Variants in CLEC16A observed in about 807,000 individuals in gnomAD.
The protein encoded by CLEC16A is protein CLEC16A.
Under a neutral mutation model 109.5 loss-of-function variants are expected in CLEC16A, and 51 were observed. That is an observed-to-expected ratio of 0.47 (90% CI 0.37 to 0.59). The LOEUF is 0.59. Among genes scored for constraint, CLEC16A ranks in the 20% least tolerant of loss-of-function variants. CLEC16A has a pLI of 0.00. For missense variants in CLEC16A, 1,339 were observed against 1,394.0 expected (o/e 0.96, Z 0.63); for synonymous variants, 673 against 564.2 (o/e 1.19, Z -2.73).
chr16:11,011,767 C>G (rs562840623), intron 11 of CLEC16A, among the ~76,000 whole-genome samples: 1 of 152,092 alleles, frequency 6.6e-6, no homozygotes, highest in Non-Finnish European at 1.5e-5. Flanking sequence ...AGCATGCGTA[C>G]ACACACGTAT....
chr16:10,944,611 C>G lies in CLEC16A; in HGVS notation c.-107C>G. ...AGGAAGGCGGCTCGCGGTTCCTCCACCGCCTCCGCCGCCGCATCCTCCGCT... is the reference window on the plus strand; with the variant it reads ...AGGAAGGCGGCTCGCGGTTCCTCCAGCGCCTCCGCCGCCGCATCCTCCGCT... On this transcript the variant is annotated 5_prime_UTR_variant, in exon 1 of 24. Coordinates refer to ENST00000409790, the MANE Select transcript of CLEC16A (RefSeq NM_015226.3). 9.0e-7 allele frequency: 1 copy of G among 1,112,640 alleles called. No individual in the cohort carries two copies. The highest frequency in any genetic ancestry group is 1.3e-6 in the Non-Finnish European group (1 of 775,858). The allele number at this position is 1,112,640 out of a possible 1,614,324, so 68.9% of individuals were successfully genotyped here.
intron 11 of CLEC16A, among the ~76,000 whole-genome samples, chr16:11,013,627 G>A (rs190344999): frequency 2.0e-5 from 3 of 152,286 alleles, no homozygotes; most frequent in Admixed American, 6.5e-5. Context: ...GCATGGTGAT[G>A]TGTACCTATA....
chr16:11,045,555 T>G (rs1248125514), intron 16 of CLEC16A, among the ~76,000 whole-genome samples: 1 of 150,922 alleles, frequency 6.6e-6, no homozygotes, highest in Non-Finnish European at 1.5e-5. Context: ...TGGTGGGGGG[T>G]GGTGGGGAGC....
intron 19 of CLEC16A, among the ~76,000 whole-genome samples, chr16:11,114,227 T>G (rs1370233333): frequency 6.6e-6 from 1 of 151,610 alleles, no homozygotes; most frequent in African/African-American, 2.4e-5. Flanking sequence ...CATCTGTGAA[T>G]GGCCTATGCA....
At chr16:11,062,073 A>T (rs2048510700) in intron 19 of CLEC16A, among the ~76,000 whole-genome samples, 1 of 152,196 alleles carries the variant, frequency 6.6e-6, no homozygotes, top group African/African-American at 2.4e-5. Context: ...TCCCTGAACC[A>T]GCCAGTGGTC....
chr16:11,051,725 C>G, intron 18 of CLEC16A, 84 bp downstream of exon 18: 1 of 1,547,262 alleles, frequency 6.5e-7, no homozygotes, highest in Non-Finnish European at 8.8e-7. Flanking sequence ...GCTTCTTTGT[C>G]AAAGTCAAGA....
chr16:10,997,161 C>T (rs1462883813), intron 10 of CLEC16A, among the ~76,000 whole-genome samples: 1 of 152,094 alleles, frequency 6.6e-6, no homozygotes, highest in African/African-American at 2.4e-5. Context: ...AAGGTCTCAC[C>T]ATGCTTCCTG....
In CLEC16A at chr16:11,060,936, C is replaced by A; in HGVS notation, c.2030C>A (p.Ser677Ter). 1 of 1,612,614 alleles carries A rather than the reference C, an allele frequency of 6.2e-7. No homozygotes were observed. Among genetic ancestry groups the A allele is most frequent in the South Asian group, 1.1e-5 (1 of 90,914 alleles). ...IRVFFMLRSL[S>*]LQLRGEPETQ... ...GTGTTCTTCATGCTGCGTTCCCTGT[C>A]ACTGCAATTGCGAGGGGAGCCTGAG... is the stretch of plus-strand genomic sequence containing the variant. Residue 677 changes from serine to a stop codon, truncating the protein, a stop_gained, in exon 19 of 24, where the codon TCA (serine) becomes TAA (stop). Coordinates refer to ENST00000409790, the MANE Select transcript of CLEC16A (RefSeq NM_015226.3). LOFTEE classifies it high-confidence loss of function.
Position 10,948,115 on chromosome 16 carries a change from G to A in CLEC16A, c.80+3318G>A, listed in dbSNP as rs145853087. Among the ~76,000 whole-genome samples, 541 of 152,212 alleles carry A rather than the reference G, an allele frequency of 3.6e-3. 14 individuals carry two copies. The East Asian group carries it at 0.068, about 19-fold the overall frequency. On this transcript the variant is annotated intron_variant, in intron 1 of 23. Transcript: ENST00000409790. ...TCACCGTGTTAGCCAGGATGGTCTCGATCTCCTGACCTTGTGATCTGCCCT... is the reference window on the plus strand; with the variant it reads ...TCACCGTGTTAGCCAGGATGGTCTCAATCTCCTGACCTTGTGATCTGCCCT...
chr16:10,980,349 G>A (rs1001028150), intron 9 of CLEC16A, among the ~76,000 whole-genome samples: 3 of 152,082 alleles, frequency 2.0e-5, no homozygotes, highest in South Asian at 2.1e-4. Flanking sequence ...CGCTCTGTAC[G>A]ACGGCGCTGA....
In CLEC16A at chr16:11,166,425, C is replaced by A. The variant is rs754530357; in HGVS notation, c.2679C>A (p.Ser893=). ...CCCAGTGCATAAACCAGCACAGCTCCCCGTCCCTGTCCTCACAGTCGCCAC... is the reference window on the plus strand; with the variant it reads ...CCCAGTGCATAAACCAGCACAGCTCACCGTCCCTGTCCTCACAGTCGCCAC... ...AVAQCINQHS[S]PSLSSQSPPS... The change falls in exon 23 of 24, where the codon TCC becomes TCA. Residue 893 remains serine (S), a synonymous_variant. Transcript: ENST00000409790. The A allele has an allele frequency of 3.1e-6, 5 of 1,606,322 alleles. No individual in the cohort carries two copies. The South Asian group carries it at 5.5e-5, about 18-fold the overall frequency.
intron 19 of CLEC16A, among the ~76,000 whole-genome samples, chr16:11,107,654 T>A (rs1292245707): frequency 5.3e-5 from 8 of 152,190 alleles, no homozygotes; most frequent in African/African-American, 1.9e-4. Flanking sequence ...ACCATGCTGT[T>A]CTGCCTCTTT....
At chr16:11,013,061 A>G (rs1381628864) in intron 11 of CLEC16A, among the ~76,000 whole-genome samples, 4 of 152,172 alleles carry the variant, frequency 2.6e-5, no homozygotes, top group African/African-American at 9.7e-5. Flanking sequence ...ATGCCAGGGA[A>G]CTTAACATGT....
At chr16:11,084,417 G>A (rs1304631204) in intron 19 of CLEC16A, among the ~76,000 whole-genome samples, 1 of 152,162 alleles carries the variant, frequency 6.6e-6, no homozygotes, top group African/African-American at 2.4e-5. Flanking sequence ...GGCCCACAGT[G>A]TAGCAGGTAC....
chr16:11,020,472 GC>G, intron 12 of CLEC16A, 147 bp downstream of exon 12: 3 of 1,048,932 alleles, frequency 2.9e-6, no homozygotes, highest in Non-Finnish European at 4.0e-6. Flanking sequence ...TCCAGCTCTG[GC>G]CACCCAGAAG....
At chr16:10,993,413 C>T (rs967970501) in intron 10 of CLEC16A, among the ~76,000 whole-genome samples, 10 of 152,096 alleles carry the variant, frequency 6.6e-5, no homozygotes, top group Non-Finnish European at 1.3e-4. Context: ...ACTTGTTTGT[C>T]TCATTGAACA....
intron 19 of CLEC16A, among the ~76,000 whole-genome samples, chr16:11,086,778 G>C (rs1291026274): frequency 6.6e-6 from 1 of 152,132 alleles, no homozygotes; most frequent in Non-Finnish European, 1.5e-5. Context: ...CCTGACCCCA[G>C]GTGATTGAGA....
chr16:11,127,525 A>G (rs1203851764), intron 22 of CLEC16A, among the ~76,000 whole-genome samples: 2 of 152,204 alleles, frequency 1.3e-5, no homozygotes, highest in East Asian at 1.9e-4. Context: ...AGAAAACAGT[A>G]CACCAATTCA....
chr16:11,163,205 A>G (rs555827605), intron 22 of CLEC16A, among the ~76,000 whole-genome samples: 1 of 152,268 alleles, frequency 6.6e-6, no homozygotes, highest in Non-Finnish European at 1.5e-5. Context: ...TTCACCCTGA[A>G]TTCTCCCCAG....
Sources: gnomAD v4.1 joint callset for allele counts (sites outside exome capture counted in the v4.1 genomes callset) on GRCh38, gnomAD v4.1.1 for gene constraint, MANE v1.5 for transcripts, NCBI Gene and HGNC (gene_info 2026-07-23, HGNC 2026-07-21) for gene names.